ESR1: variants seen among roughly 807,000 people sequenced by gnomAD.
ESR1 encodes estrogen receptor 1.
In ESR1, 12 loss-of-function variants were observed where a neutral mutation model predicts 52.7. That is an observed-to-expected ratio of 0.23 (90% confidence interval 0.15 to 0.37). ESR1 has a LOEUF of 0.37. ESR1 is among the 10% of genes least tolerant of loss of function. ESR1 has a pLI of 1.00. For synonymous variants in ESR1, 305 were observed against 316.8 expected (o/e 0.96, Z 0.39); for missense variants, 584 against 779.7 (o/e 0.75, Z 2.99).
At chr6:151,911,941 G>A (rs900487503) in intron 3 of ESR1, among the ~76,000 whole-genome samples, 3 of 152,216 alleles carry the variant, frequency 2.0e-5, no homozygotes, top group African/African-American at 7.2e-5. Flanking sequence ...TGCACGGTCC[G>A]GTAGGTAGCC....
intron 4 of ESR1, among the ~76,000 whole-genome samples, chr6:151,945,016 G>C (rs551761067): frequency 6.6e-6 from 1 of 152,270 alleles, no homozygotes; most frequent in Admixed American, 6.5e-5. Flanking sequence ...AGGAGCTTGA[G>C]GCCATCCGGG....
At chr6:151,741,562 G>GT (rs1255707371) in intron 2 of ESR1, among the ~76,000 whole-genome samples, 1 of 152,072 alleles carries the variant, frequency 6.6e-6, no homozygotes, top group Non-Finnish European at 1.5e-5. Flanking sequence ...TATGCTCCCT[G>GT]TTTTTTGGTG....
chr6:151,756,160 C>G (rs1185286067), intron 2 of ESR1, among the ~76,000 whole-genome samples: 1 of 152,110 alleles, frequency 6.6e-6, no homozygotes, highest in Non-Finnish European at 1.5e-5. Context: ...CCTTCCCTGG[C>G]CCCCATATTT....
intron 2 of ESR1, among the ~76,000 whole-genome samples, chr6:151,843,413 G>C (rs7739085): frequency 0.46 from 69,816 of 151,892 alleles, 16,409 homozygotes; most frequent in African/African-American, 0.53. Context: ...TGCCTCCATT[G>C]TTTTCTTGTC....
intron 6 of ESR1, chr6:152,118,289 A>G (rs1012494115): frequency 1.3e-5 from 2 of 152,114 alleles, no homozygotes; most frequent in African/African-American, 4.8e-5. Context: ...GGAAATATGG[A>G]TTCTTCTCTA....
chr6:151,995,816 C>A (rs2041429610), intron 4 of ESR1, among the ~76,000 whole-genome samples: 1 of 152,168 alleles, frequency 6.6e-6, no homozygotes, highest in Non-Finnish European at 1.5e-5. Context: ...AATGACCAGG[C>A]ACCAGACACT....
intron 2 of ESR1, among the ~76,000 whole-genome samples, chr6:151,780,682 C>T (rs140096814): frequency 6.6e-6 from 1 of 152,176 alleles, no homozygotes; most frequent in African/African-American, 2.4e-5. Context: ...GGGAAGAATT[C>T]AAATGCGAGT....
At chr6:151,938,361 C>T (rs2034625436) in intron 3 of ESR1, among the ~76,000 whole-genome samples, 1 of 151,784 alleles carries the variant, frequency 6.6e-6, no homozygotes, top group African/African-American at 2.4e-5. Context: ...ATAGCCAAGC[C>T]AAAGAATTTA....
intron 5 of ESR1, among the ~76,000 whole-genome samples, chr6:152,048,129 C>T (rs980105230): frequency 1.3e-4 from 20 of 151,662 alleles, no homozygotes; most frequent in African/African-American, 4.4e-4. Flanking sequence ...CCAGCACTTT[C>T]GGACGCCGAG....
intron 1 of ESR1, among the ~76,000 whole-genome samples, chr6:151,829,099 G>A (rs1358995821): frequency 6.6e-6 from 1 of 152,176 alleles, no homozygotes; most frequent in Non-Finnish European, 1.5e-5. Flanking sequence ...GTTGTTCTGT[G>A]GAAAAAGAAC....
At position 152,099,771 on chromosome 6, in the gene ESR1, T is replaced by C. The variant is rs986145574; in HGVS notation, c.*805T>C. The C allele has an allele frequency of 1.6e-5, 6 of 375,846 alleles. No individual in the cohort carries two copies. The highest frequency in any genetic ancestry group is 4.6e-5 in the Admixed American group (1 of 21,912). 23.3% of individuals were successfully genotyped at this position (375,846 alleles called of 1,614,324 possible). On this transcript the variant is annotated 3_prime_UTR_variant, in exon 8 of 8. Coordinates refer to ENST00000206249, the MANE Select transcript of ESR1 (RefSeq NM_000125.4). Reference sequence around the variant, plus strand: ...GGGATAAGTTCCTGATTTTTGTTTTTATTTTTGTGTTACAAAAGAAAGCCC... The same window carrying C: ...GGGATAAGTTCCTGATTTTTGTTTTCATTTTTGTGTTACAAAAGAAAGCCC...
At chr6:151,914,082 A>G (rs528913412) in intron 3 of ESR1, among the ~76,000 whole-genome samples, 3 of 152,186 alleles carry the variant, frequency 2.0e-5, no homozygotes, top group East Asian at 1.9e-4. Flanking sequence ...AAAAATAACT[A>G]TCATTTCCTT....
At chr6:151,842,293 A>T (rs904687415) in intron 1 of ESR1, among the ~76,000 whole-genome samples, 1 of 152,144 alleles carries the variant, frequency 6.6e-6, no homozygotes, top group Admixed American at 6.5e-5. Context: ...ATAATTGTAT[A>T]TTCCTGCAAA....
Position 152,100,483 on chromosome 6 carries a change from T to C in ESR1, c.*1517T>C. The C allele has an allele frequency of 4.2e-6, 1 of 240,776 alleles. No individual in the cohort carries two copies. Among genetic ancestry groups the C allele is most frequent in the East Asian group, 6.0e-5 (1 of 16,620 alleles). The allele number at this position is 240,776 out of a possible 1,614,324, so 14.9% of individuals were successfully genotyped here. A position where few individuals can be genotyped will look rare whatever the true frequency, so the allele number is the denominator to read the frequency against. ...CTTCAATTTCCTTTGACCTATAGGC[T>C]AAAAAAGAAAGGCTCATTCCAGCCA... On this transcript the variant is annotated 3_prime_UTR_variant, in exon 8 of 8. Transcript: ENST00000206249.
chr6:151,743,718 A>C (rs183768481), intron 2 of ESR1, among the ~76,000 whole-genome samples: 74 of 152,310 alleles, frequency 4.9e-4, no homozygotes, highest in Non-Finnish European at 1.0e-4. Context: ...GTTCCACACA[A>C]AGACTCTCCC....
At chr6:152,056,651 T>C (rs1317641010) in intron 5 of ESR1, among the ~76,000 whole-genome samples, 1 of 152,180 alleles carries the variant, frequency 6.6e-6, no homozygotes, top group Non-Finnish European at 1.5e-5. Flanking sequence ...CTTTCCCCCA[T>C]TACTTAAGTG....
chr6:151,825,928 A>G (rs937978573), intron 1 of ESR1, among the ~76,000 whole-genome samples: 31 of 150,720 alleles, frequency 2.1e-4, no homozygotes, highest in Admixed American at 1.4e-3. Context: ...AAAAAAAAAA[A>G]AAAGAAAGAA....
chr6:152,041,368 T>C (rs2128896697), intron 5 of ESR1, among the ~76,000 whole-genome samples: 2 of 152,280 alleles, frequency 1.3e-5, no homozygotes, highest in Admixed American at 1.3e-4. Flanking sequence ...ACTTGATAAA[T>C]GGGCTGGAGT....
chr6:151,779,255 G>A (rs1224340865), intron 2 of ESR1, among the ~76,000 whole-genome samples: 1 of 152,056 alleles, frequency 6.6e-6, no homozygotes, highest in African/African-American at 2.4e-5. Context: ...AATCTGTCTT[G>A]AGTTAATTTT....
Sources: gnomAD v4.1 joint callset for allele counts (sites outside exome capture counted in the v4.1 genomes callset) on GRCh38, gnomAD v4.1.1 for gene constraint, MANE v1.5 for transcripts, NCBI Gene and HGNC (gene_info 2026-07-23, HGNC 2026-07-21) for gene names.